The following ADTRP variants were observed in gnomAD, a reference collection of about 807,000 sequenced individuals.
ADTRP encodes the protein androgen-dependent TFPI-regulating protein.
In ADTRP, 20 loss-of-function variants were observed where a neutral mutation model predicts 27.0. That is an observed-to-expected ratio of 0.74 (90% CI 0.52 to 1.08). The LOEUF is 1.08. Among genes scored for constraint, ADTRP ranks in the 50% least tolerant of loss-of-function variants. The probability of loss-of-function intolerance (pLI) is 0.00; values close to 1 mark genes in which losing one functional copy is unlikely to be tolerated. For synonymous variants in ADTRP, 101 were observed against 105.2 expected (o/e 0.96, Z 0.25); for missense variants, 251 against 275.0 (o/e 0.91, Z 0.62).
In ADTRP at chr6:11,766,283, A is replaced by G. The variant is rs749912147; in HGVS notation, c.381T>C (p.Asn127=). ...VLDTVIPVWL[N]HAMHTFIFPI... is the part of the protein sequence containing the mutation. ...TTTTCCCCTCACTCACCATTGCATGATTCAGCCACACGGGGATGACAGTAT... is the reference window on the plus strand; with the variant it reads ...TTTTCCCCTCACTCACCATTGCATGGTTCAGCCACACGGGGATGACAGTAT... The change falls in exon 3 of 6, where the codon AAT becomes AAC. Residue 127 remains asparagine, a synonymous_variant. Transcript: ENST00000414691. 1.2e-6 allele frequency: 2 copies of G among 1,610,632 alleles called. No homozygotes were observed. Among genetic ancestry groups the G allele is most frequent in the African/African-American group, 2.7e-5 (2 of 74,860 alleles).
At chr6:11,738,120 T>C (rs1762604939) in intron 3 of ADTRP, among the ~76,000 whole-genome samples, 1 of 152,220 alleles carries the variant, frequency 6.6e-6, no homozygotes, top group African/African-American at 2.4e-5. Context: ...AGAGCTTCAG[T>C]GAGCATTTGC....
chr6:11,751,071 G>A lies in ADTRP; in HGVS notation c.390+15203C>T, dbSNP rs562179610. Reference sequence around the variant, plus strand: ...TCGCCATGTTGCCCAGGCTGGTCTCGAACTTCTGGGCTCAAGCAATCCACC... The same window carrying A: ...TCGCCATGTTGCCCAGGCTGGTCTCAAACTTCTGGGCTCAAGCAATCCACC... On this transcript the variant is annotated intron_variant, in intron 3 of 5. Coordinates refer to ENST00000414691, the MANE Select transcript of ADTRP (RefSeq NM_032744.4). Among the ~76,000 whole-genome samples, 3 of 152,252 alleles carry A rather than the reference G, an allele frequency of 2.0e-5. No individual in the cohort carries two copies. The East Asian group carries it at 5.8e-4, about 29-fold the overall frequency.
At position 11,767,114 on chromosome 6, in the gene ADTRP, G is replaced by C. The variant is rs562880879; in HGVS notation, c.289-739C>G. 1.7e-3 allele frequency among the ~76,000 whole-genome samples: 259 copies of C among 152,354 alleles called. 3 individuals carry two copies. Among genetic ancestry groups the C allele is most frequent in the African/African-American group, 5.8e-3 (242 of 41,580 alleles). ...TAGCCAGACTTGGTGGCTCATGCCT[G>C]TAATCCTAGCACTTTGGGAGGCCAA... On this transcript the variant is annotated intron_variant, in intron 2 of 5. Transcript: ENST00000414691.
chr6:11,717,328 G>A, intron 5 of ADTRP: 1 of 1,304,210 alleles, frequency 7.7e-7, no homozygotes, highest in Non-Finnish European at 1.0e-6. Context: ...TTGACCAGTT[G>A]GTGCTTGGCT....
intron 1 of ADTRP, among the ~76,000 whole-genome samples, chr6:11,774,802 C>T (rs1001234090): frequency 6.6e-6 from 1 of 152,196 alleles, no homozygotes. Flanking sequence ...TTGCCCTAAA[C>T]CCCCTAGCTC....
intron 5 of ADTRP, among the ~76,000 whole-genome samples, chr6:11,722,391 C>G (rs1342563107): frequency 1.3e-5 from 2 of 152,078 alleles, no homozygotes; most frequent in Non-Finnish European, 2.9e-5. Context: ...TTTGCATACA[C>G]GGGCTTATGT....
At chr6:11,726,213 G>A (rs565659825) in intron 4 of ADTRP, among the ~76,000 whole-genome samples, 40 of 152,310 alleles carry the variant, frequency 2.6e-4, no homozygotes, top group Non-Finnish European at 4.3e-4. Flanking sequence ...AAGTAGAATG[G>A]TGCTTGCCAT....
chr6:11,720,480 C>T (rs2235425), intron 5 of ADTRP, among the ~76,000 whole-genome samples: 93,622 of 147,918 alleles, frequency 0.63, 29,927 homozygotes, highest in South Asian at 0.68. Context: ...ATACCCTTTT[C>T]TTTTTTTTTG....
intron 4 of ADTRP, among the ~76,000 whole-genome samples, chr6:11,732,980 G>A (rs771064078): frequency 1.3e-5 from 2 of 152,200 alleles, no homozygotes; most frequent in Non-Finnish European, 2.9e-5. Context: ...TTGGAGAGAG[G>A]AGACCTCAGT....
chr6:11,775,419 C>T (rs910165341), intron 1 of ADTRP, among the ~76,000 whole-genome samples: 2 of 152,000 alleles, frequency 1.3e-5, no homozygotes, highest in African/African-American at 4.8e-5. Context: ...AAATGAAAGA[C>T]ACAAAGAAGT....
intron 4 of ADTRP, among the ~76,000 whole-genome samples, chr6:11,725,899 CAAAA>C (rs59048593): frequency 7.8e-5 from 7 of 89,938 alleles, no homozygotes; most frequent in Non-Finnish European, 8.5e-5. Flanking sequence ...GACTCTATCT[CAAAA>C]AAAAAAAAAA....
intron 5 of ADTRP, among the ~76,000 whole-genome samples, chr6:11,722,391 C>A: frequency 6.6e-6 from 1 of 152,078 alleles, no homozygotes; most frequent in Non-Finnish European, 1.5e-5. Context: ...TTTGCATACA[C>A]GGGCTTATGT....
At chr6:11,758,583 G>GGGC (rs1554114806) in intron 3 of ADTRP, among the ~76,000 whole-genome samples, 2 of 117,664 alleles carry the variant, frequency 1.7e-5, no homozygotes, top group Non-Finnish European at 3.6e-5. Flanking sequence ...GGTGGGGGGG[G>GGGC]GGGACGGATA....
chr6:11,777,836 T>C (rs1000379496), intron 1 of ADTRP, among the ~76,000 whole-genome samples: 1 of 152,240 alleles, frequency 6.6e-6, no homozygotes, highest in Non-Finnish European at 1.5e-5. Context: ...CCCAAGATTT[T>C]AGTCAAAAAC....
intron 4 of ADTRP, among the ~76,000 whole-genome samples, chr6:11,725,492 T>G (rs1004021939): frequency 8.5e-5 from 13 of 152,178 alleles, no homozygotes; most frequent in African/African-American, 1.2e-4. Context: ...CTTACACTCA[T>G]TAGGATGGAT....
chr6:11,732,824 G>A (rs1404065003), intron 4 of ADTRP, among the ~76,000 whole-genome samples: 1 of 152,156 alleles, frequency 6.6e-6, no homozygotes, highest in Non-Finnish European at 1.5e-5. Context: ...ATAGAGCTGG[G>A]AACAACACGT....
At chr6:11,766,964 C>T (rs770048433) in intron 2 of ADTRP, among the ~76,000 whole-genome samples, 4 of 152,214 alleles carry the variant, frequency 2.6e-5, no homozygotes, top group Admixed American at 6.5e-5. Context: ...ACGAAGTCAA[C>T]GCATAGATAA....
chr6:11,758,879 C>T (rs1046027444), intron 3 of ADTRP, among the ~76,000 whole-genome samples: 2 of 152,136 alleles, frequency 1.3e-5, no homozygotes, highest in Admixed American at 6.5e-5. Context: ...ATCCATTGGT[C>T]TGCTCTGTGA....
At chr6:11,730,583 G>A (rs1232052038) in intron 4 of ADTRP, among the ~76,000 whole-genome samples, 3 of 152,234 alleles carry the variant, frequency 2.0e-5, no homozygotes, top group Non-Finnish European at 4.4e-5. Flanking sequence ...AGGGTAAGAT[G>A]TGTACATGTA....
Sources: allele counts gnomAD v4.1 joint callset (sites outside exome capture counted in the v4.1 genomes callset), GRCh38; gene constraint gnomAD v4.1.1; transcripts MANE v1.5; gene names NCBI Gene and HGNC (gene_info 2026-07-23, HGNC 2026-07-21).